Variants in GRIN2A observed in about 807,000 individuals in gnomAD.
The protein encoded by GRIN2A is glutamate receptor ionotropic, NMDA 2A.
GRIN2A carries 22 observed loss-of-function variants against 113.4 expected under a neutral mutation model. The observed-to-expected ratio is 0.19, with a 90% confidence interval of 0.14 to 0.28. GRIN2A has a LOEUF of 0.28. Ranked by LOEUF, GRIN2A falls within the 10% of genes least tolerant of loss-of-function variation. The pLI is 1.00. For missense variants in GRIN2A, 1,502 were observed against 1,887.0 expected (o/e 0.80, Z 3.78); for synonymous variants, 827 against 738.4 (o/e 1.12, Z -1.94).
At chr16:10,110,537 T>A (rs2048592919) in intron 2 of GRIN2A, among the ~76,000 whole-genome samples, 1 of 151,760 alleles carries the variant, frequency 6.6e-6, no homozygotes, top group African/African-American at 2.4e-5. Flanking sequence ...TCCAGGGGAG[T>A]GATGGCGCCA....
chr16:10,020,707 G>A (rs1252497887), intron 2 of GRIN2A, among the ~76,000 whole-genome samples: 1 of 152,116 alleles, frequency 6.6e-6, no homozygotes, highest in Non-Finnish European at 1.5e-5. Context: ...GATGTTGTAA[G>A]GACAAGATAA....
chr16:9,941,172 A>T (rs890995428), intron 2 of GRIN2A, among the ~76,000 whole-genome samples: 2 of 152,158 alleles, frequency 1.3e-5, no homozygotes, highest in East Asian at 3.8e-4. Context: ...ACCTAATAAA[A>T]AGGGTCTATG....
chr16:9,803,827 T>A (rs997758515), intron 10 of GRIN2A, among the ~76,000 whole-genome samples: 1 of 152,182 alleles, frequency 6.6e-6, no homozygotes, highest in African/African-American at 2.4e-5. Context: ...ATAACCACTG[T>A]GACCAAGCCA....
intron 4 of GRIN2A, among the ~76,000 whole-genome samples, chr16:9,867,805 T>C (rs1355379456): frequency 3.9e-5 from 6 of 152,128 alleles, no homozygotes; most frequent in African/African-American, 1.2e-4. Context: ...CTCTCCCTCT[T>C]GCCCCCAGAA....
At chr16:9,781,689 C>T (rs1433671456) in intron 11 of GRIN2A, among the ~76,000 whole-genome samples, 6 of 151,998 alleles carry the variant, frequency 3.9e-5, no homozygotes, top group East Asian at 1.9e-4. Flanking sequence ...ATCAATATGA[C>T]GCCATATATC....
intron 8 of GRIN2A, 107 bp downstream of exon 8, chr16:9,833,998 T>C (rs2042543675): frequency 8.9e-7 from 1 of 1,127,318 alleles, no homozygotes; most frequent in Non-Finnish European, 1.4e-6. Context: ...ATTACAGGCG[T>C]GAGCCACCAT....
intron 2 of GRIN2A, among the ~76,000 whole-genome samples, chr16:10,031,148 C>A (rs562503691): frequency 6.6e-6 from 1 of 152,266 alleles, no homozygotes; most frequent in East Asian, 1.9e-4. Context: ...CTCTTCTCAC[C>A]CTCTAAATAA....
chr16:9,951,209 G>T (rs2045171503), intron 2 of GRIN2A, among the ~76,000 whole-genome samples: 2 of 152,114 alleles, frequency 1.3e-5, no homozygotes, highest in South Asian at 4.1e-4. Flanking sequence ...CTGAACTAAT[G>T]CCAGGAGATT....
At chr16:9,813,993 T>A (rs2042139723) in intron 10 of GRIN2A, among the ~76,000 whole-genome samples, 1 of 152,138 alleles carries the variant, frequency 6.6e-6, no homozygotes, top group Non-Finnish European at 1.5e-5. Flanking sequence ...TCAAATGGCA[T>A]CTTTGAAAAA....
Position 9,840,786 on chromosome 16 carries a change from C to G in GRIN2A, c.1512G>C (p.Arg504=), listed in dbSNP as rs2042660369. Residue 504 remains arginine (R), a synonymous_variant, in exon 7 of 13, where the codon CGG becomes CGC. Transcript: ENST00000330684. ...NGMIGEVVYQ[R]AVMAVGSLTI... Reference sequence around the variant, plus strand: ...TGAGCGAGCCAACTGCCATGACTGCCCGTTGATAGACCACCTGGATGCAAG... The same window carrying G: ...TGAGCGAGCCAACTGCCATGACTGCGCGTTGATAGACCACCTGGATGCAAG... The G allele has an allele frequency of 6.2e-7, 1 of 1,606,144 alleles. No homozygotes were observed. Among genetic ancestry groups the G allele is most frequent in the African/African-American group, 1.4e-5 (1 of 72,192 alleles).
intron 11 of GRIN2A, among the ~76,000 whole-genome samples, chr16:9,773,690 G>A (rs543707590): frequency 3.9e-5 from 6 of 152,270 alleles, no homozygotes; most frequent in South Asian, 2.1e-4. Flanking sequence ...GTGACAGTAA[G>A]CTCATGCACA....
At chr16:9,866,848 T>C (rs2043168560) in intron 4 of GRIN2A, among the ~76,000 whole-genome samples, 1 of 152,158 alleles carries the variant, frequency 6.6e-6, no homozygotes, top group African/African-American at 2.4e-5. Context: ...TGAGTGACTC[T>C]AAATTTAGAA....
chr16:10,145,216 G>C (rs933666843), intron 2 of GRIN2A, among the ~76,000 whole-genome samples: 3 of 152,130 alleles, frequency 2.0e-5, no homozygotes, highest in African/African-American at 7.2e-5. Flanking sequence ...TAAAGTTTTA[G>C]TTATGCAGGA....
chr16:9,848,080 TG>T (rs1419472754), intron 5 of GRIN2A, among the ~76,000 whole-genome samples: 8 of 147,340 alleles, frequency 5.4e-5, no homozygotes, highest in African/African-American at 1.7e-4. Context: ...TATATAAACT[TG>T]TACATTAACT....
At chr16:9,858,564 C>T (rs2043007828) in intron 4 of GRIN2A, among the ~76,000 whole-genome samples, 1 of 152,018 alleles carries the variant, frequency 6.6e-6, no homozygotes, top group Non-Finnish European at 1.5e-5. Context: ...TAATTGACCG[C>T]TGATGGAGAA....
intron 2 of GRIN2A, among the ~76,000 whole-genome samples, chr16:10,108,903 G>C (rs1283712543): frequency 2.0e-5 from 3 of 151,650 alleles, no homozygotes; most frequent in Non-Finnish European, 2.9e-5. Flanking sequence ...GAAAGGTGAA[G>C]CCACCTTAGG....
At chr16:9,971,278 T>C (rs1275974641) in intron 2 of GRIN2A, among the ~76,000 whole-genome samples, 1 of 152,216 alleles carries the variant, frequency 6.6e-6, no homozygotes, top group South Asian at 2.1e-4. Flanking sequence ...ATATAACAAT[T>C]TCCCTTGGGT....
chr16:9,826,037 G>C (rs2042382345), intron 9 of GRIN2A, among the ~76,000 whole-genome samples: 1 of 151,944 alleles, frequency 6.6e-6, no homozygotes, highest in African/African-American at 2.4e-5. Flanking sequence ...GAAAGGAGGA[G>C]GGTAGAAGAA....
chr16:9,987,428 A>G (rs61628643), intron 2 of GRIN2A, among the ~76,000 whole-genome samples: 13,373 of 152,212 alleles, frequency 0.088, 671 homozygotes, highest in Non-Finnish European at 0.11. Flanking sequence ...TTAGGCACAG[A>G]AGTGGAATTC....
Sources: allele counts gnomAD v4.1 joint callset (sites outside exome capture counted in the v4.1 genomes callset), GRCh38; gene constraint gnomAD v4.1.1; transcripts MANE v1.5; gene names NCBI Gene and HGNC (gene_info 2026-07-23, HGNC 2026-07-21).